The following DPF3 variants were observed in gnomAD, a reference collection of about 807,000 sequenced individuals.
DPF3 encodes the protein double PHD fingers 3.
DPF3 carries 18 observed loss-of-function variants against 56.8 expected under a neutral mutation model. The ratio of observed to expected loss-of-function variants is 0.32; its 90% CI spans 0.22 to 0.47. The LOEUF is 0.47. Among genes scored for constraint, DPF3 ranks in the 20% least tolerant of loss-of-function variants. The pLI is 1.00. For missense variants in DPF3, 403 were observed against 488.8 expected (o/e 0.82, Z 1.65); for synonymous variants, 188 against 180.2 (o/e 1.04, Z -0.35).
chr14:72,771,202 C>T (rs959998291), intron 2 of DPF3, among the ~76,000 whole-genome samples: 2 of 151,824 alleles, frequency 1.3e-5, no homozygotes, highest in African/African-American at 4.8e-5. Flanking sequence ...TAATAATACC[C>T]AGCATTTTGG....
intron 1 of DPF3, chr14:72,880,001 T>C: frequency 7.0e-7 from 1 of 1,434,576 alleles, no homozygotes; most frequent in South Asian, 1.5e-5. Flanking sequence ...CTGAGTAGCC[T>C]GCACACTAGA....
intron 1 of DPF3, among the ~76,000 whole-genome samples, chr14:72,849,002 G>A (rs940607562): frequency 4.6e-5 from 7 of 152,054 alleles, no homozygotes; most frequent in African/African-American, 7.3e-5. Flanking sequence ...ACCCTACAAG[G>A]TAGAAAATAT....
rs574912970 is a variant in DPF3 at position 72,778,961 on chromosome 14, C to T, written c.33-7068G>A. ...ACTGCACACAGACACTCAGGCTGAA[C>T]AACTCCAGCAAGTACCATTCACATC... On this transcript the variant is annotated intron_variant, in intron 1 of 10. Coordinates refer to ENST00000556509, the MANE Select transcript of DPF3 (RefSeq NM_001280542.3). Among the ~76,000 whole-genome samples, 3 of 152,358 alleles carry T rather than the reference C, an allele frequency of 2.0e-5. No individual in the cohort carries two copies. In the East Asian group the frequency reaches 5.8e-4, roughly 29 times the overall value.
chr14:72,820,287 C>T (rs1478932660), intron 1 of DPF3, among the ~76,000 whole-genome samples: 1 of 151,970 alleles, frequency 6.6e-6, no homozygotes, highest in Non-Finnish European at 1.5e-5. Context: ...AGCATTAAGA[C>T]CTCAACAGGC....
intron 5 of DPF3, among the ~76,000 whole-genome samples, chr14:72,721,182 G>C (rs375864586): frequency 5.3e-5 from 8 of 152,160 alleles, no homozygotes; most frequent in African/African-American, 1.9e-4. Flanking sequence ...CTCTCTATGT[G>C]GTAGCTCTTG....
intron 1 of DPF3, among the ~76,000 whole-genome samples, chr14:72,870,558 A>G (rs906913818): frequency 6.6e-6 from 1 of 152,244 alleles, no homozygotes; most frequent in African/African-American, 2.4e-5. Context: ...CCATAGATAA[A>G]TCTTTCTTGA....
At position 72,611,528 on chromosome 14, in the gene DPF3, G is replaced by C. The variant is rs151209294; in HGVS notation, c.*7769C>G. On this transcript the variant is annotated 3_prime_UTR_variant, in exon 11 of 11. Transcript: ENST00000556509. ...TTGAAGCCCCCACCCCCCCAGTCCC[G>C]CTCTCTGCTTTCTCTAGCAGGGAAA... Among the ~76,000 whole-genome samples the C allele has an allele frequency of 1.6e-4, 24 of 148,760 alleles. No individual in the cohort carries two copies. The highest frequency in any genetic ancestry group is 2.8e-4 in the Non-Finnish European group (19 of 67,102).
chr14:72,798,959 G>C (rs936516751), intron 1 of DPF3, among the ~76,000 whole-genome samples: 1 of 152,176 alleles, frequency 6.6e-6, no homozygotes, highest in African/African-American at 2.4e-5. Context: ...TAAACATCAG[G>C]TGTCCTCATA....
intron 1 of DPF3, among the ~76,000 whole-genome samples, chr14:72,821,979 C>G (rs556676785): frequency 6.6e-6 from 1 of 152,118 alleles, no homozygotes; most frequent in Admixed American, 6.5e-5. Context: ...TGCACTCCAG[C>G]CTGGGTGACA....
chr14:72,774,422 C>T (rs1457679347), intron 1 of DPF3, among the ~76,000 whole-genome samples: 3 of 152,060 alleles, frequency 2.0e-5, no homozygotes, highest in Non-Finnish European at 4.4e-5. Flanking sequence ...TTTCTACCAA[C>T]AGTGTACAAG....
intron 2 of DPF3, among the ~76,000 whole-genome samples, chr14:72,759,660 T>G (rs1265022857): frequency 6.6e-6 from 1 of 152,048 alleles, no homozygotes. Flanking sequence ...ATGAAAACTA[T>G]AAACCCATAG....
chr14:72,764,589 C>T (rs971432484), intron 2 of DPF3, among the ~76,000 whole-genome samples: 3 of 148,466 alleles, frequency 2.0e-5, no homozygotes, highest in East Asian at 2.0e-4. Context: ...CCCGGGTTCA[C>T]GCCATTCTCC....
At chr14:72,708,596 T>A (rs961159924) in intron 6 of DPF3, among the ~76,000 whole-genome samples, 11 of 152,092 alleles carry the variant, frequency 7.2e-5, no homozygotes, top group African/African-American at 2.7e-4. Flanking sequence ...CTCAAAAAAA[T>A]TTTTTTCTTA....
At chr14:72,684,224 T>C (rs1357587032) in intron 7 of DPF3, among the ~76,000 whole-genome samples, 1 of 151,890 alleles carries the variant, frequency 6.6e-6, no homozygotes, top group Non-Finnish European at 1.5e-5. Context: ...TTTTTGTATT[T>C]TTAGTAGAGA....
chr14:72,691,542 C>T (rs1026259445), intron 7 of DPF3, among the ~76,000 whole-genome samples: 2 of 152,072 alleles, frequency 1.3e-5, no homozygotes, highest in South Asian at 2.1e-4. Flanking sequence ...TCCTGGCCAA[C>T]GTGGTGAAAC....
At chr14:72,664,310 C>T (rs1334710153) in intron 8 of DPF3, among the ~76,000 whole-genome samples, 1 of 152,126 alleles carries the variant, frequency 6.6e-6, no homozygotes, top group African/African-American at 2.4e-5. Flanking sequence ...CTTTCAGTTT[C>T]TTCAAATTTC....
rs544110597 is a variant in DPF3, at chr14:72,793,758, A to G, written c.33-21865T>C. 3.3e-5 allele frequency among the ~76,000 whole-genome samples: 5 copies of G among 152,338 alleles called. No individual in the cohort carries two copies. In the East Asian group the frequency reaches 9.6e-4, roughly 29 times the overall value. On this transcript the variant is annotated intron_variant, in intron 1 of 10. Transcript: ENST00000556509. ...GCTCCCTTGCATAGATGATGCTGGC[A>G]AATTCAACGTGATTTTCATTGGACC...
At chr14:72,842,602 A>C (rs1474983231) in intron 1 of DPF3, among the ~76,000 whole-genome samples, 2 of 152,164 alleles carry the variant, frequency 1.3e-5, no homozygotes, top group Non-Finnish European at 2.9e-5. Flanking sequence ...ATGTTTCTTC[A>C]TCTGGGGGTT....
chr14:72,823,335 A>G (rs998007865), intron 1 of DPF3, among the ~76,000 whole-genome samples: 4 of 152,200 alleles, frequency 2.6e-5, no homozygotes, highest in African/African-American at 9.7e-5. Flanking sequence ...ATTACTTCCC[A>G]ATACCAGAGA....
Sources: gnomAD v4.1 joint callset for allele counts (sites outside exome capture counted in the v4.1 genomes callset) on GRCh38, gnomAD v4.1.1 for gene constraint, MANE v1.5 for transcripts, NCBI Gene and HGNC (gene_info 2026-07-23, HGNC 2026-07-21) for gene names.